Variants in XRCC4 observed in about 807,000 individuals in gnomAD.
XRCC4 encodes X-ray repair cross complementing 4, also known as DNA repair protein XRCC4.
Under a neutral mutation model 39.1 loss-of-function variants are expected in XRCC4, and 28 were observed. The ratio of observed to expected loss-of-function variants is 0.72; its 90% CI spans 0.53 to 0.98. The LOEUF (loss-of-function observed/expected upper bound fraction) is 0.98. Ranked by LOEUF, XRCC4 falls within the 50% of genes least tolerant of loss-of-function variation. XRCC4 has a pLI of 0.00. For missense variants in XRCC4, 350 were observed against 376.4 expected (o/e 0.93, Z 0.58); for synonymous variants, 123 against 126.4 (o/e 0.97, Z 0.18).
At chr5:83,227,057 A>G (rs1211879719) in intron 6 of XRCC4, among the ~76,000 whole-genome samples, 1 of 151,944 alleles carries the variant, frequency 6.6e-6, no homozygotes, top group East Asian at 1.9e-4. Flanking sequence ...CATAATTTCA[A>G]TTCACTTTTA....
chr5:83,360,084 C>A, the XRCC4 span, among the ~76,000 whole-genome samples: 3 of 152,098 alleles, frequency 2.0e-5, no homozygotes, highest in Non-Finnish European at 2.9e-5. Context: ...TAGAATAATA[C>A]GTATATTAAT....
chr5:83,171,332 T>A (rs1026057680), intron 3 of XRCC4, among the ~76,000 whole-genome samples: 1 of 152,150 alleles, frequency 6.6e-6, no homozygotes, highest in African/African-American at 2.4e-5. Flanking sequence ...CTAATTCAAT[T>A]ATTCTCCTGC....
At chr5:83,324,413 A>G (rs1425500417) in intron 7 of XRCC4, among the ~76,000 whole-genome samples, 1 of 152,114 alleles carries the variant, frequency 6.6e-6, no homozygotes, top group East Asian at 1.9e-4. Context: ...GTTTGTTTTT[A>G]TCAGTGGTCT....
At chr5:83,250,046 T>C (rs1753249928) in intron 6 of XRCC4, among the ~76,000 whole-genome samples, 1 of 152,154 alleles carries the variant, frequency 6.6e-6, no homozygotes, top group South Asian at 2.1e-4. Context: ...CTTAGACATC[T>C]CTGTGAAGAA....
intron 5 of XRCC4, among the ~76,000 whole-genome samples, chr5:83,203,992 T>A (rs781329663): frequency 2.0e-5 from 3 of 151,708 alleles, no homozygotes; most frequent in East Asian, 1.9e-4. Flanking sequence ...CATACTAATT[T>A]AAAAAAAAAC....
At chr5:83,268,790 C>T (rs1455861402) in intron 7 of XRCC4, among the ~76,000 whole-genome samples, 1 of 152,040 alleles carries the variant, frequency 6.6e-6, no homozygotes, top group Admixed American at 6.6e-5. Flanking sequence ...TGCCCTAGGA[C>T]CATGATATAT....
chr5:83,131,538 C>G (rs1427131478), intron 3 of XRCC4, among the ~76,000 whole-genome samples: 1 of 152,104 alleles, frequency 6.6e-6, no homozygotes, highest in East Asian at 1.9e-4. Flanking sequence ...TCTCTAAGGA[C>G]TTGCGTTTTG....
intron 2 of XRCC4, among the ~76,000 whole-genome samples, chr5:83,106,672 A>G (rs1226762730): frequency 6.6e-6 from 1 of 151,986 alleles, no homozygotes; most frequent in Non-Finnish European, 1.5e-5. Context: ...ATATCATACA[A>G]TTGTGCTGGC....
At chr5:83,157,045 A>G (rs1386158639) in intron 3 of XRCC4, among the ~76,000 whole-genome samples, 3 of 152,096 alleles carry the variant, frequency 2.0e-5, no homozygotes, top group Non-Finnish European at 4.4e-5. Flanking sequence ...AATACTAAAC[A>G]CTGGTAAAGG....
intron 6 of XRCC4, among the ~76,000 whole-genome samples, chr5:83,241,065 G>A (rs1752889359): frequency 6.6e-6 from 1 of 151,910 alleles, no homozygotes; most frequent in African/African-American, 2.4e-5. Context: ...GCAAAACTCT[G>A]TTTCTACTAA....
At chr5:83,172,919 G>A (rs1749793890) in intron 3 of XRCC4, among the ~76,000 whole-genome samples, 2 of 151,958 alleles carry the variant, frequency 1.3e-5, no homozygotes, top group Non-Finnish European at 2.9e-5. Flanking sequence ...CCTTTTTTCA[G>A]TGGCTGTTCT....
chr5:83,269,029 C>T (rs1323852163), intron 7 of XRCC4, among the ~76,000 whole-genome samples: 1 of 152,136 alleles, frequency 6.6e-6, no homozygotes, highest in Admixed American at 6.6e-5. Context: ...CTGTTCTCAA[C>T]TGCTATGTGG....
Position 83,201,128 on chromosome 5 carries a change from A to G in XRCC4, c.483-2424A>G, listed in dbSNP as rs779648767. 30 of 152,224 alleles carry G rather than the reference A, an allele frequency of 2.0e-4. 1 individual carries two copies. The highest frequency in any genetic ancestry group is 2.7e-4 in the African/African-American group (11 of 41,460). 9.4% of individuals were successfully genotyped at this position (152,224 alleles called of 1,614,324 possible). A position where few individuals can be genotyped will look rare whatever the true frequency, so the allele number is the denominator to read the frequency against. ...TGAATAGCTATTAAATGAGGGAAAAAATACAATATTCGGAATCACTGTTTT... is the reference window on the plus strand; with the variant it reads ...TGAATAGCTATTAAATGAGGGAAAAGATACAATATTCGGAATCACTGTTTT... On this transcript the variant is annotated intron_variant, in intron 4 of 7. Transcript: ENST00000396027.
chr5:83,338,836 G>A (rs995233500), intron 7 of XRCC4, among the ~76,000 whole-genome samples: 1 of 152,140 alleles, frequency 6.6e-6, no homozygotes, highest in African/African-American at 2.4e-5. Flanking sequence ...TGTGGTCAAC[G>A]GCTTTCTGTA....
intron 3 of XRCC4, among the ~76,000 whole-genome samples, chr5:83,144,843 A>G (rs575210588): frequency 6.6e-6 from 1 of 152,066 alleles, no homozygotes; most frequent in Non-Finnish European, 1.5e-5. Flanking sequence ...GTTCTTGTTT[A>G]TAGCCTTTAT....
intron 2 of XRCC4, 126 bp from the exon 3 acceptor site, chr5:83,110,902 G>A (rs1746409953): frequency 1.1e-6 from 1 of 872,944 alleles, no homozygotes; most frequent in Admixed American, 3.4e-5. Flanking sequence ...GTGTAGTATA[G>A]GGATTGATTT....
At position 83,128,137 on chromosome 5, in the gene XRCC4, C is replaced by T. The variant is rs193152317; in HGVS notation, c.315+16934C>T. On this transcript the variant is annotated intron_variant, in intron 3 of 7. Coordinates refer to ENST00000396027, the MANE Select transcript of XRCC4 (RefSeq NM_003401.5). ...ATCCGTCCACCCTCCTGCCACCCCA[C>T]GACAGGCCCCAGTGTGTGATGTTCC... is the stretch of plus-strand genomic sequence containing the variant. 2.4e-4 allele frequency among the ~76,000 whole-genome samples: 36 copies of T among 152,164 alleles called. No individual in the cohort carries two copies. In the South Asian group the frequency reaches 2.7e-3, roughly 11 times the overall value.
chr5:83,285,767 C>T (rs1021666329), intron 7 of XRCC4, among the ~76,000 whole-genome samples: 6 of 152,068 alleles, frequency 3.9e-5, no homozygotes, highest in Non-Finnish European at 8.8e-5. Context: ...CAGTTGAAAA[C>T]CACGTGTAAT....
At chr5:83,156,436 GAA>G (rs1343210001) in intron 3 of XRCC4, among the ~76,000 whole-genome samples, 17 of 151,700 alleles carry the variant, frequency 1.1e-4, no homozygotes, top group Admixed American at 5.3e-4. Flanking sequence ...GGGGGAGAGA[GAA>G]AGTCAAATAA....
Sources: allele counts gnomAD v4.1 joint callset (sites outside exome capture counted in the v4.1 genomes callset), GRCh38; gene constraint gnomAD v4.1.1; transcripts MANE v1.5; gene names NCBI Gene and HGNC (gene_info 2026-07-23, HGNC 2026-07-21).